Variants in CAMTA1 observed in about 807,000 individuals in gnomAD.
The protein encoded by CAMTA1 is calmodulin binding transcription activator 1.
Under a neutral mutation model 170.9 loss-of-function variants are expected in CAMTA1, and 27 were observed. The observed-to-expected ratio is 0.16, with a 90% CI of 0.12 to 0.22. CAMTA1 has a LOEUF of 0.22. Ranked by LOEUF, CAMTA1 falls within the 10% of genes least tolerant of loss-of-function variation. CAMTA1 has a pLI of 1.00. For synonymous variants in CAMTA1, 833 were observed against 891.5 expected, an observed-to-expected ratio of 0.93 and a Z score of 1.17; for missense variants, 1,619 against 2,217.2, an observed-to-expected ratio of 0.73 and a Z score of 5.42.
At chr1:7,531,758 C>A (rs1277805563) in intron 6 of CAMTA1, among the ~76,000 whole-genome samples, 4 of 152,226 alleles carry the variant, frequency 2.6e-5, no homozygotes, top group Admixed American at 2.6e-4. Flanking sequence ...AACAGCATCA[C>A]TGAATAAACA....
At chr1:7,060,854 C>G (rs138157268) in intron 3 of CAMTA1, among the ~76,000 whole-genome samples, 1 of 152,176 alleles carries the variant, frequency 6.6e-6, no homozygotes, top group Non-Finnish European at 1.5e-5. Context: ...GCCAGGAAAG[C>G]GGAGTTGCTG....
At chr1:7,531,141 A>G (rs916827059) in intron 6 of CAMTA1, among the ~76,000 whole-genome samples, 4 of 142,912 alleles carry the variant, frequency 2.8e-5, no homozygotes, top group African/African-American at 1.0e-4. Context: ...ATGCTCAATA[A>G]ATGTTAAGAT....
rs556797053 is a variant in CAMTA1 at position 7,553,487 on chromosome 1, C to T, written c.510+85586C>T. On this transcript the variant is annotated intron_variant, in intron 6 of 22. Coordinates refer to ENST00000303635, the MANE Select transcript of CAMTA1 (RefSeq NM_015215.4). The stretch of plus-strand genomic sequence containing the variant: ...CCACAGGGCTCCCCTGGAGGGAGCT[C>T]ACAGCCTAGTGGACTGAAAGATTGA... Among the ~76,000 whole-genome samples the T allele has an allele frequency of 2.6e-5, 4 of 152,322 alleles. No individual in the cohort carries two copies. The South Asian group carries it at 8.3e-4, about 32-fold the overall frequency.
chr1:7,647,390 G>A (rs2095815595), intron 7 of CAMTA1, among the ~76,000 whole-genome samples: 1 of 152,172 alleles, frequency 6.6e-6, no homozygotes. Context: ...GGCTCGCGGA[G>A]CCGTTCCTGG....
chr1:7,596,269 G>A (rs541929903), intron 6 of CAMTA1, among the ~76,000 whole-genome samples: 128 of 152,360 alleles, frequency 8.4e-4, no homozygotes, highest in African/African-American at 2.8e-3. Flanking sequence ...CCCACCCACT[G>A]CAATCCAGCA....
At chr1:7,268,420 A>C (rs1669234943) in intron 5 of CAMTA1, among the ~76,000 whole-genome samples, 1 of 152,204 alleles carries the variant, frequency 6.6e-6, no homozygotes, top group African/African-American at 2.4e-5. Flanking sequence ...CTCAGGGTTC[A>C]CACAGAACTG....
chr1:7,724,554 C>T lies in CAMTA1; in HGVS notation c.2915-7894C>T, dbSNP rs545649376. 5.9e-5 allele frequency among the ~76,000 whole-genome samples: 9 copies of T among 152,182 alleles called. No homozygotes were observed. In the South Asian group the frequency reaches 1.7e-3, roughly 28 times the overall value. ...CCTTCAAAAGATTGCATGTATGGGC[C>T]GGGCGCGGTGGCTCACGCCTGTAAT... On this transcript the variant is annotated intron_variant, in intron 11 of 22. Coordinates refer to ENST00000303635, the MANE Select transcript of CAMTA1 (RefSeq NM_015215.4).
intron 11 of CAMTA1, among the ~76,000 whole-genome samples, chr1:7,727,312 C>T (rs1379565934): frequency 1.3e-5 from 2 of 151,986 alleles, no homozygotes; most frequent in East Asian, 1.9e-4. Context: ...TTAGTAGAGA[C>T]GGGGTTTCAC....
intron 3 of CAMTA1, among the ~76,000 whole-genome samples, chr1:6,980,180 G>T (rs906690725): frequency 1.4e-4 from 21 of 152,186 alleles, no homozygotes; most frequent in Admixed American, 5.9e-4. Flanking sequence ...CTGTGCTGAA[G>T]TCTCGCCTGT....
chr1:7,676,762 G>A (rs1444062454), intron 10 of CAMTA1, among the ~76,000 whole-genome samples: 3 of 152,178 alleles, frequency 2.0e-5, no homozygotes, highest in Non-Finnish European at 4.4e-5. Flanking sequence ...CATTGCCCAC[G>A]GGCCACCTCT....
intron 5 of CAMTA1, among the ~76,000 whole-genome samples, chr1:7,399,925 A>G (rs200706233): frequency 3.9e-5 from 6 of 152,162 alleles, no homozygotes; most frequent in Non-Finnish European, 7.4e-5. Flanking sequence ...GACTTTTGAC[A>G]GTTTAATTAT....
chr1:7,701,830 C>A (rs974410050), intron 11 of CAMTA1, among the ~76,000 whole-genome samples: 1 of 152,138 alleles, frequency 6.6e-6, no homozygotes, highest in East Asian at 1.9e-4. Context: ...ATGCTCAAAG[C>A]CCCATAAAAA....
intron 5 of CAMTA1, among the ~76,000 whole-genome samples, chr1:7,464,036 A>C (rs1308213807): frequency 3.3e-5 from 5 of 152,220 alleles, no homozygotes; most frequent in Non-Finnish European, 7.3e-5. Context: ...AATATTTACC[A>C]AAAAATTTTT....
chr1:6,814,888 T>G (rs1269538571), intron 1 of CAMTA1, among the ~76,000 whole-genome samples: 1 of 152,176 alleles, frequency 6.6e-6, no homozygotes, highest in Non-Finnish European at 1.5e-5. Context: ...CTTGTTTCAT[T>G]AATCCATCTT....
chr1:7,686,136 G>C (rs1431350555), intron 11 of CAMTA1, among the ~76,000 whole-genome samples: 4 of 152,196 alleles, frequency 2.6e-5, no homozygotes, highest in Non-Finnish European at 1.5e-5. Flanking sequence ...CTCGGCATCT[G>C]CTGGGTGCCA....
rs1301776664 is a variant in CAMTA1 at position 7,041,882 on chromosome 1, A to G, written c.235-49422A>G. Among the ~76,000 whole-genome samples the G allele has an allele frequency of 6.6e-6, 1 of 152,210 alleles. No homozygotes were observed. The highest frequency in any genetic ancestry group is 1.5e-5 in the Non-Finnish European group (1 of 68,048). ...GGGATTTGACTGAAGCCTCCACACT[A>G]TGGACAGACCAAGTGGTGGCAATAA... On this transcript the variant is annotated intron_variant, in intron 3 of 22. Coordinates refer to ENST00000303635, the MANE Select transcript of CAMTA1 (RefSeq NM_015215.4). The surrounding 1 kb of genome is among the most constrained non-coding windows in gnomAD (Gnocchi z 5.1).
chr1:6,941,826 G>C (rs751126266), intron 3 of CAMTA1, among the ~76,000 whole-genome samples: 10 of 152,234 alleles, frequency 6.6e-5, no homozygotes, highest in Non-Finnish European at 1.2e-4. Context: ...CCTGGGATGG[G>C]CTAGAAGCCC....
At chr1:7,763,524 A>G (rs771079613) in intron 22 of CAMTA1, among the ~76,000 whole-genome samples, 6 of 152,182 alleles carry the variant, frequency 3.9e-5, no homozygotes, top group Non-Finnish European at 7.4e-5. Flanking sequence ...TTCATAGAGT[A>G]TTTACTTGAC....
chr1:7,489,131 T>C (rs1305623499), intron 6 of CAMTA1, among the ~76,000 whole-genome samples: 1 of 152,200 alleles, frequency 6.6e-6, no homozygotes, highest in Non-Finnish European at 1.5e-5. Flanking sequence ...AAAACCAGGA[T>C]GGCTATTATT....
Sources: allele counts gnomAD v4.1 joint callset (sites outside exome capture counted in the v4.1 genomes callset), GRCh38; gene constraint gnomAD v4.1.1; non-coding constraint Gnocchi (gnomAD v3.1); transcripts MANE v1.5; gene names NCBI Gene and HGNC (gene_info 2026-07-23, HGNC 2026-07-21).